The following PGM5 variants were observed in gnomAD, a reference collection of about 807,000 sequenced individuals.
The protein encoded by PGM5 is phosphoglucomutase-like protein 5.
PGM5 carries 23 observed loss-of-function variants against 59.2 expected under a neutral mutation model. That is an observed-to-expected ratio of 0.39 (90% CI 0.28 to 0.55). The LOEUF is 0.55. Among genes scored for constraint, PGM5 ranks in the 20% least tolerant of loss-of-function variants. The probability of loss-of-function intolerance (pLI) is 0.66; values close to 1 mark genes in which losing one functional copy is unlikely to be tolerated. For synonymous variants in PGM5, 214 were observed against 286.0 expected (o/e 0.75, Z 2.54); for missense variants, 574 against 748.3 (o/e 0.77, Z 2.72).
At chr9:68,450,347 A>C (rs1164328625) in intron 6 of PGM5, among the ~76,000 whole-genome samples, 3 of 152,242 alleles carry the variant, frequency 2.0e-5, no homozygotes, top group African/African-American at 7.2e-5. Flanking sequence ...AGAATATTCT[A>C]GCAAAGAGGC....
At chr9:68,367,944 T>C (rs1252795828) in intron 1 of PGM5, among the ~76,000 whole-genome samples, 1 of 151,922 alleles carries the variant, frequency 6.6e-6, no homozygotes, top group Non-Finnish European at 1.5e-5. Flanking sequence ...ATTCTACCTA[T>C]GTATAAGTAA....
At position 68,376,864 on chromosome 9, in the gene PGM5, T is replaced by TCTC. The variant is rs1554677806; in HGVS notation, c.262-1335_262-1334insCTC. Among the ~76,000 whole-genome samples the TCTC allele has an allele frequency of 3.6e-4, 42 of 115,298 alleles. 5 individuals are homozygous for TCTC. The highest frequency in any genetic ancestry group is 1.4e-3 in the African/African-American group (41 of 28,722). 75.6% of individuals were successfully genotyped at this position (115,298 alleles called of 152,430 possible). ...CTTTCTTTCTTTCTCTTTCTTTCTTTTTTCTTTCTCTTTCTTTCTTTTTTT... is the reference window on the plus strand; with the variant it reads ...CTTTCTTTCTTTCTCTTTCTTTCTTTCTCTTTCTTTCTCTTTCTTTCTTTTTTT... On this transcript the variant is annotated intron_variant, in intron 1 of 10. Coordinates refer to ENST00000396396, the MANE Select transcript of PGM5 (RefSeq NM_021965.4).
chr9:68,463,896 C>G (rs1272468704), intron 6 of PGM5, among the ~76,000 whole-genome samples: 1 of 152,132 alleles, frequency 6.6e-6, no homozygotes, highest in Non-Finnish European at 1.5e-5. Context: ...TCAGTAGAAA[C>G]CACAACCCCA....
intron 6 of PGM5, among the ~76,000 whole-genome samples, chr9:68,452,207 G>A (rs1248544005): frequency 6.6e-6 from 1 of 152,190 alleles, no homozygotes; most frequent in African/African-American, 2.4e-5. Flanking sequence ...CAGAAGCCCT[G>A]GAGTCTTCCA....
intron 6 of PGM5, among the ~76,000 whole-genome samples, chr9:68,413,335 G>C (rs1402431252): frequency 2.0e-5 from 3 of 151,870 alleles, no homozygotes; most frequent in Non-Finnish European, 4.4e-5. Flanking sequence ...AAGGCTCCCA[G>C]TGATGGTGAC....
At chr9:68,509,432 A>G (rs1824709641) in intron 10 of PGM5, among the ~76,000 whole-genome samples, 2 of 152,206 alleles carry the variant, frequency 1.3e-5, no homozygotes. Context: ...TGTGTACTAT[A>G]CCATCATGAT....
chr9:68,510,300 C>T (rs1042890718), intron 10 of PGM5, among the ~76,000 whole-genome samples: 14 of 151,934 alleles, frequency 9.2e-5, no homozygotes, highest in South Asian at 4.2e-4. Flanking sequence ...TACACGCACC[C>T]GCCACCACGC....
chr9:68,471,476 G>T (rs1369140490), intron 7 of PGM5, among the ~76,000 whole-genome samples: 4 of 152,044 alleles, frequency 2.6e-5, no homozygotes, highest in African/African-American at 9.7e-5. Context: ...AGAGATTTTT[G>T]ATTCAGTGTA....
At chr9:68,424,332 C>T (rs1198364620) in intron 6 of PGM5, among the ~76,000 whole-genome samples, 1 of 152,150 alleles carries the variant, frequency 6.6e-6, no homozygotes, top group African/African-American at 2.4e-5. Flanking sequence ...AGTCCAAAAT[C>T]AAGGAGCTGG....
intron 6 of PGM5, among the ~76,000 whole-genome samples, chr9:68,447,309 T>A (rs927554364): frequency 6.6e-6 from 1 of 152,222 alleles, no homozygotes; most frequent in Non-Finnish European, 1.5e-5. Flanking sequence ...CTTGCCTCCC[T>A]GTTGTGAATT....
intron 7 of PGM5, among the ~76,000 whole-genome samples, chr9:68,470,761 G>A: frequency 6.6e-6 from 1 of 152,166 alleles, no homozygotes; most frequent in East Asian, 1.9e-4. Context: ...AATTTGGCTG[G>A]GTTGCAGATG....
Position 68,465,193 on chromosome 9 carries a change from G to A in PGM5, c.1144G>A (p.Glu382Lys). The A allele has an allele frequency of 6.2e-7, 1 of 1,610,928 alleles. No homozygotes were observed. The highest frequency in any genetic ancestry group is 8.5e-7 in the Non-Finnish European group (1 of 1,177,308). ...DSGRCNLCGE[E>K]SFGTGSDHLR... ...AGGACGTTGCAATCTGTGTGGGGAA[G>A]AGAGCTTTGGCACTGGTAGGCTTTG... Residue 382 changes from glutamate (E) to lysine (K), a missense_variant, in exon 7 of 11, where the codon GAG becomes AAG. Glu to Lys is a moderately conservative substitution (Grantham distance 56). Transcript: ENST00000396396.
At chr9:68,525,808 G>T (rs1410197372) in intron 10 of PGM5, among the ~76,000 whole-genome samples, 1 of 152,190 alleles carries the variant, frequency 6.6e-6, no homozygotes, top group African/African-American at 2.4e-5. Flanking sequence ...TATTATCCCA[G>T]CACTTTGGGA....
At chr9:68,443,659 A>T (rs1250504833) in intron 6 of PGM5, among the ~76,000 whole-genome samples, 5 of 152,242 alleles carry the variant, frequency 3.3e-5, no homozygotes, top group African/African-American at 1.2e-4. Flanking sequence ...ATCACAGTAA[A>T]GGGCAAGTAA....
At chr9:68,428,311 C>T (rs188892389) in intron 6 of PGM5, among the ~76,000 whole-genome samples, 24 of 152,248 alleles carry the variant, frequency 1.6e-4, no homozygotes, top group African/African-American at 4.3e-4. Flanking sequence ...CCCAGGGAGA[C>T]GGCTCTAGCA....
intron 6 of PGM5, among the ~76,000 whole-genome samples, chr9:68,440,787 C>A (rs1823513605): frequency 6.6e-6 from 1 of 151,578 alleles, no homozygotes; most frequent in South Asian, 2.1e-4. Context: ...AATAAATAAA[C>A]CCAAGGAAGG....
chr9:68,391,853 A>G, intron 5 of PGM5, 129 bp downstream of exon 5: 5 of 864,358 alleles, frequency 5.8e-6, no homozygotes, highest in Non-Finnish European at 8.9e-6. Context: ...CTGGCTCTGC[A>G]TCTGCCCTTC....
intron 6 of PGM5, among the ~76,000 whole-genome samples, chr9:68,450,392 G>A (rs947827148): frequency 3.9e-5 from 6 of 152,144 alleles, no homozygotes; most frequent in Non-Finnish European, 7.3e-5. Context: ...CACCCCAGGT[G>A]GTTCTTATTA....
At chr9:68,477,473 C>T (rs150713605) in intron 7 of PGM5, among the ~76,000 whole-genome samples, 56 of 152,302 alleles carry the variant, frequency 3.7e-4, no homozygotes, top group African/African-American at 1.2e-3. Context: ...TGTGGCGTTG[C>T]GTCTCCCTTG....
Sources: allele counts gnomAD v4.1 joint callset (sites outside exome capture counted in the v4.1 genomes callset), GRCh38; gene constraint gnomAD v4.1.1; transcripts MANE v1.5; gene names NCBI Gene and HGNC (gene_info 2026-07-23, HGNC 2026-07-21).